The following KCNK13 variants were observed in gnomAD, a reference collection of about 807,000 sequenced individuals.
The protein encoded by KCNK13 is potassium channel subfamily K member 13.
A neutral mutation model predicts 23.4 loss-of-function variants in KCNK13; 12 were observed. That is an observed-to-expected ratio of 0.51 (90% CI 0.33 to 0.83). The LOEUF is 0.83. Ranked by LOEUF, KCNK13 falls within the 40% of genes least tolerant of loss-of-function variation. KCNK13 has a pLI of 0.02. For missense variants in KCNK13, 463 were observed against 556.3 expected (o/e 0.83, Z 1.69); for synonymous variants, 231 against 229.5 (o/e 1.01, Z -0.06).
chr14:90,165,898 ATGAAACGTTT>A (rs1202664569), intron 1 of KCNK13, among the ~76,000 whole-genome samples: 1 of 152,192 alleles, frequency 6.6e-6, no homozygotes, highest in Non-Finnish European at 1.5e-5. Flanking sequence ...TCTCAGGGAA[ATGAAACGTTT>A]TGAATTCCTC....
intron 1 of KCNK13, among the ~76,000 whole-genome samples, chr14:90,168,676 C>A (rs561997972): frequency 6.6e-6 from 1 of 152,230 alleles, no homozygotes; most frequent in South Asian, 2.1e-4. Context: ...CCTAGAAATC[C>A]CAGTTTTTAA....
intron 1 of KCNK13, among the ~76,000 whole-genome samples, chr14:90,144,283 C>T (rs1890048275): frequency 6.6e-6 from 1 of 152,084 alleles, no homozygotes; most frequent in Non-Finnish European, 1.5e-5. Flanking sequence ...TGTCAAATTT[C>T]CCTAAGTATT....
chr14:90,181,387 T>C lies in KCNK13; in HGVS notation c.335-2724T>C, dbSNP rs78528278. ...ATCTTGCGAGAGCCCTGCTTCCTCA[T>C]ACATGGCACCTTCTTGTGTCCTCCC... On this transcript the variant is annotated intron_variant, in intron 1 of 1. Transcript: ENST00000282146. Among the ~76,000 whole-genome samples, 5 of 152,212 alleles carry C rather than the reference T, an allele frequency of 3.3e-5. No individual in the cohort carries two copies. The East Asian group carries it at 5.8e-4, about 18-fold the overall frequency.
At chr14:90,091,687 T>A in intron 1 of KCNK13, among the ~76,000 whole-genome samples, 1 of 151,866 alleles carries the variant, frequency 6.6e-6, no homozygotes, top group African/African-American at 2.4e-5. Flanking sequence ...GTAAAAGACA[T>A]GCCAATACCC....
chr14:90,122,371 G>A (rs1889749409), intron 1 of KCNK13, among the ~76,000 whole-genome samples: 1 of 149,462 alleles, frequency 6.7e-6, no homozygotes, highest in African/African-American at 2.5e-5. Flanking sequence ...AGGCTGGAGT[G>A]TAGTGGCACA....
Position 90,184,832 on chromosome 14 carries a change from G to A in KCNK13, c.1056G>A (p.Leu352=). ...GGGAGATGATCTCCATGAAGGACTT[G>A]CTGGCAGCCAACAAGGCCTCGTTGG... ...LSGEMISMKD[L]LAANKASLAI... is the part of the protein sequence containing the mutation. The change falls in exon 2 of 2, where the codon TTG becomes TTA. Residue 352 remains leucine, a synonymous_variant. Coordinates refer to ENST00000282146, the MANE Select transcript of KCNK13 (RefSeq NM_022054.4). The surrounding 1 kb of genome is among the most constrained non-coding windows in gnomAD (Gnocchi z 5.6). The A allele has an allele frequency of 6.2e-7, 1 of 1,613,814 alleles. No individual in the cohort carries two copies. Among genetic ancestry groups the A allele is most frequent in the Admixed American group, 1.7e-5 (1 of 60,026 alleles).
chr14:90,096,775 T>C (rs1268684451), intron 1 of KCNK13, among the ~76,000 whole-genome samples: 2 of 152,206 alleles, frequency 1.3e-5, no homozygotes, highest in Non-Finnish European at 2.9e-5. Flanking sequence ...GGCTCTTGCC[T>C]TTGCTTCTCT....
intron 1 of KCNK13, among the ~76,000 whole-genome samples, chr14:90,180,407 AG>A (rs1663564021): frequency 6.6e-6 from 1 of 152,168 alleles, no homozygotes; most frequent in South Asian, 2.1e-4. Context: ...TCTATGGAAA[AG>A]CCTGCATTAT....
intron 1 of KCNK13, among the ~76,000 whole-genome samples, chr14:90,168,298 G>C (rs577972825): frequency 2.0e-5 from 3 of 152,156 alleles, no homozygotes; most frequent in Admixed American, 2.0e-4. Context: ...TTGTGCCCAG[G>C]AGGTTGAGGC....
chr14:90,159,383 C>A (rs1014372793), intron 1 of KCNK13, among the ~76,000 whole-genome samples: 2 of 152,222 alleles, frequency 1.3e-5, no homozygotes, highest in East Asian at 3.8e-4. Context: ...CCTGCCTGTC[C>A]TCTCTTTCCA....
intron 1 of KCNK13, among the ~76,000 whole-genome samples, chr14:90,082,418 A>G (rs1889224791): frequency 6.6e-6 from 1 of 152,100 alleles, no homozygotes; most frequent in African/African-American, 2.4e-5. Context: ...CCTGAGCAAC[A>G]CATAATGAAC....
intron 1 of KCNK13, among the ~76,000 whole-genome samples, chr14:90,132,276 G>T (rs1456094449): frequency 6.6e-6 from 1 of 152,226 alleles, no homozygotes; most frequent in Admixed American, 6.5e-5. Flanking sequence ...GGGTGCAGTG[G>T]CTCAAGCCTG....
intron 1 of KCNK13, among the ~76,000 whole-genome samples, chr14:90,093,239 C>G: frequency 6.6e-6 from 1 of 152,202 alleles, no homozygotes; most frequent in East Asian, 1.9e-4. Context: ...GACCACGCTT[C>G]TTCTAGATGT....
chr14:90,176,144 CT>C (rs2140446512), intron 1 of KCNK13, among the ~76,000 whole-genome samples: 1 of 152,264 alleles, frequency 6.6e-6, no homozygotes, highest in South Asian at 2.1e-4. Flanking sequence ...TCTTTGGAAC[CT>C]ATGTACCACA....
At chr14:90,102,073 G>A (rs1353194375) in intron 1 of KCNK13, among the ~76,000 whole-genome samples, 1 of 151,844 alleles carries the variant, frequency 6.6e-6, no homozygotes, top group African/African-American at 2.4e-5. Flanking sequence ...AGTAGAGATG[G>A]GATTTCTCCA....
intron 1 of KCNK13, among the ~76,000 whole-genome samples, chr14:90,136,524 A>G: frequency 6.6e-6 from 1 of 151,620 alleles, no homozygotes; most frequent in African/African-American, 2.4e-5. Flanking sequence ...AAAAAAAAAA[A>G]AATCTTAGCA....
At position 90,117,419 on chromosome 14, in the gene KCNK13, G is replaced by A. The variant is rs28824918; in HGVS notation, c.334+54880G>A. 5.4e-3 allele frequency among the ~76,000 whole-genome samples: 821 copies of A among 152,124 alleles called. 8 individuals carry two copies. Among genetic ancestry groups the A allele is most frequent in the African/African-American group, 0.019 (795 of 41,514 alleles). ...AGCCTGGCCAACGTGATGAAACCCCGTCTCTACTCAAAATACAAAAATTAG... is the reference window on the plus strand; with the variant it reads ...AGCCTGGCCAACGTGATGAAACCCCATCTCTACTCAAAATACAAAAATTAG... On this transcript the variant is annotated intron_variant, in intron 1 of 1. Transcript: ENST00000282146.
chr14:90,112,492 C>T (rs553406136), intron 1 of KCNK13, among the ~76,000 whole-genome samples: 30 of 152,010 alleles, frequency 2.0e-4, no homozygotes, highest in African/African-American at 7.0e-4. Context: ...ATCTTGTAGT[C>T]GTCACTGCAA....
At position 90,126,687 on chromosome 14, in the gene KCNK13, G is replaced by A. The variant is rs571021205; in HGVS notation, c.335-57424G>A. On this transcript the variant is annotated intron_variant, in intron 1 of 1. Coordinates refer to ENST00000282146, the MANE Select transcript of KCNK13 (RefSeq NM_022054.4). ...GCCTCTGAAGTAGCTAGGACTACAG[G>A]CACACGCCACCATCCCTGGCTAATT... Among the ~76,000 whole-genome samples the A allele has an allele frequency of 2.6e-5, 4 of 152,048 alleles. No individual in the cohort carries two copies. The East Asian group carries it at 5.8e-4, about 22-fold the overall frequency.
Sources: gnomAD v4.1 joint callset for allele counts (sites outside exome capture counted in the v4.1 genomes callset) on GRCh38, gnomAD v4.1.1 for gene constraint, Gnocchi (gnomAD v3.1) non-coding constraint, MANE v1.5 for transcripts, NCBI Gene and HGNC (gene_info 2026-07-23, HGNC 2026-07-21) for gene names.